The following PRKG1 variants were observed in gnomAD, a reference collection of about 807,000 sequenced individuals.
The protein encoded by PRKG1 is cGMP-dependent protein kinase 1.
A neutral mutation model predicts 88.1 loss-of-function variants in PRKG1; 35 were observed. That is an observed-to-expected ratio of 0.40 (90% confidence interval 0.30 to 0.53). The LOEUF (loss-of-function observed/expected upper bound fraction) is 0.53, where lower values mean the gene tolerates loss of function less well. Ranked by LOEUF, PRKG1 falls within the 20% of genes least tolerant of loss-of-function variation. PRKG1 has a pLI of 0.59. For missense variants in PRKG1, 540 were observed against 839.8 expected, an observed-to-expected ratio of 0.64 and a Z score of 4.41; for synonymous variants, 303 against 292.5, an observed-to-expected ratio of 1.04 and a Z score of -0.37.
intron 9 of PRKG1, among the ~76,000 whole-genome samples, chr10:52,189,375 G>A (rs928701254): frequency 1.1e-4 from 17 of 152,152 alleles, no homozygotes; most frequent in African/African-American, 3.6e-4. Flanking sequence ...TCCCAGACCA[G>A]GGGTTCCCAA....
intron 1 of PRKG1, among the ~76,000 whole-genome samples, chr10:51,013,267 T>G (rs1338598837): frequency 6.6e-6 from 1 of 152,218 alleles, no homozygotes; most frequent in Non-Finnish European, 1.5e-5. Flanking sequence ...CTTAGAACAA[T>G]GCTTGCAGTT....
At chr10:51,012,255 G>T (rs888078969) in intron 1 of PRKG1, among the ~76,000 whole-genome samples, 1 of 152,158 alleles carries the variant, frequency 6.6e-6, no homozygotes, top group Non-Finnish European at 1.5e-5. Flanking sequence ...AGAGTTTCCT[G>T]GTTGTTCTGG....
intron 3 of PRKG1, among the ~76,000 whole-genome samples, chr10:51,789,140 G>C (rs1457983088): frequency 6.6e-6 from 1 of 152,102 alleles, no homozygotes; most frequent in Admixed American, 6.6e-5. Context: ...TAGTATTTAG[G>C]GATACAGCCT....
rs937744915 is a variant in PRKG1, at chr10:51,554,029, G to A, written c.592+86193G>A. 3.7e-5 allele frequency among the ~76,000 whole-genome samples: 5 copies of A among 134,038 alleles called. 1 individual carries two copies. Among genetic ancestry groups the A allele is most frequent in the Non-Finnish European group, 6.3e-5 (4 of 63,102 alleles). 87.9% of individuals were successfully genotyped at this position (134,038 alleles called of 152,430 possible). A position where few individuals can be genotyped will look rare whatever the true frequency, so the allele number is the denominator to read the frequency against. ...CATATTATATGTGCGTATGTGATACGTGTATATATTATATGTGCGTATGTG... is the reference window on the plus strand; with the variant it reads ...CATATTATATGTGCGTATGTGATACATGTATATATTATATGTGCGTATGTG... On this transcript the variant is annotated intron_variant, in intron 3 of 17. Coordinates refer to ENST00000373980, the MANE Select transcript of PRKG1 (RefSeq NM_006258.4).
intron 2 of PRKG1, among the ~76,000 whole-genome samples, chr10:51,379,706 G>T (rs527426210): frequency 6.6e-6 from 1 of 152,272 alleles, no homozygotes; most frequent in Admixed American, 6.5e-5. Flanking sequence ...ACATCCTTCT[G>T]TTCACTCGAC....
rs1472352486 is a variant in PRKG1, at chr10:51,374,731, AC to A, written c.479-92991del. On this transcript the variant is annotated intron_variant, in intron 2 of 17. Transcript: ENST00000373980. ...GATGTTGGAATTCCCACCCTCCAGA[AC>A]GGTAAGAAATAAATTTCTATTCTTT... 3.3e-5 allele frequency among the ~76,000 whole-genome samples: 5 copies of A among 152,254 alleles called. No homozygotes were observed. The East Asian group carries it at 9.7e-4, about 29-fold the overall frequency.
intron 5 of PRKG1, among the ~76,000 whole-genome samples, chr10:51,946,335 G>A (rs1048186568): frequency 2.6e-5 from 4 of 151,924 alleles, no homozygotes; most frequent in Non-Finnish European, 4.4e-5. Context: ...ACTTCTCTGT[G>A]TTGTTTATTC....
chr10:51,324,855 A>G (rs1355330791), intron 2 of PRKG1, among the ~76,000 whole-genome samples: 3 of 152,198 alleles, frequency 2.0e-5, no homozygotes, highest in Non-Finnish European at 2.9e-5. Context: ...TGCAGTAAAC[A>G]TGGGAGTGCA....
chr10:51,119,311 ACT>A (rs1344376851), intron 1 of PRKG1, among the ~76,000 whole-genome samples: 3 of 152,086 alleles, frequency 2.0e-5, no homozygotes, highest in African/African-American at 7.2e-5. Context: ...TGTGATTTTC[ACT>A]GCCTTATACT....
intron 5 of PRKG1, among the ~76,000 whole-genome samples, chr10:51,934,303 A>G (rs1842759170): frequency 6.8e-6 from 1 of 147,866 alleles, no homozygotes; most frequent in South Asian, 2.2e-4. Flanking sequence ...TTCAGGTTAT[A>G]TTTTGAGTTG....
chr10:51,386,926 G>GA (rs1407888039), intron 2 of PRKG1, among the ~76,000 whole-genome samples: 2 of 152,066 alleles, frequency 1.3e-5, no homozygotes, highest in East Asian at 1.9e-4. Flanking sequence ...CATAAGAAAA[G>GA]AAAAAACTGT....
At chr10:51,929,474 T>C (rs1842644986) in intron 5 of PRKG1, among the ~76,000 whole-genome samples, 1 of 151,066 alleles carries the variant, frequency 6.6e-6, no homozygotes, top group Admixed American at 6.6e-5. Flanking sequence ...CCTCAGTCTG[T>C]GGAGTAGCTG....
intron 3 of PRKG1, among the ~76,000 whole-genome samples, chr10:51,608,316 C>G (rs1838818793): frequency 6.6e-6 from 1 of 152,124 alleles, no homozygotes; most frequent in Non-Finnish European, 1.5e-5. Flanking sequence ...AAATCCTTCT[C>G]CCTGAGAAGT....
intron 5 of PRKG1, among the ~76,000 whole-genome samples, chr10:52,015,159 C>T (rs1845006104): frequency 6.6e-6 from 1 of 152,222 alleles, no homozygotes; most frequent in South Asian, 2.1e-4. Context: ...AGTATAGGTT[C>T]TCCACGAGGG....
intron 5 of PRKG1, among the ~76,000 whole-genome samples, chr10:52,026,606 A>G (rs1845344041): frequency 6.6e-6 from 1 of 152,206 alleles, no homozygotes; most frequent in Admixed American, 6.5e-5. Flanking sequence ...TTTAGGGGTG[A>G]TGAAAAGATT....
chr10:51,518,602 A>T (rs1841656163), intron 3 of PRKG1, among the ~76,000 whole-genome samples: 1 of 152,190 alleles, frequency 6.6e-6, no homozygotes, highest in East Asian at 1.9e-4. Flanking sequence ...GGGAAAACAG[A>T]TCCTTTAAAT....
At chr10:52,282,371 A>G in intron 14 of PRKG1, 55 bp downstream of exon 14, 1 of 1,455,696 alleles carries the variant, frequency 6.9e-7, no homozygotes, top group Non-Finnish European at 9.2e-7. Context: ...GCAGCTACAC[A>G]CTCCTGCTTT....
intron 2 of PRKG1, among the ~76,000 whole-genome samples, chr10:51,222,205 G>GA (rs1401119953): frequency 1.4e-5 from 2 of 146,896 alleles, no homozygotes; most frequent in Non-Finnish European, 3.0e-5. Context: ...TTTTTCTATG[G>GA]AAAAATTGGA....
At chr10:51,025,499 G>C (rs138927040) in intron 1 of PRKG1, among the ~76,000 whole-genome samples, 11 of 152,288 alleles carry the variant, frequency 7.2e-5, no homozygotes, top group African/African-American at 2.6e-4. Context: ...CTCTGGCTGA[G>C]AAGCTCCTTA....
Sources: gnomAD v4.1 joint callset for allele counts (sites outside exome capture counted in the v4.1 genomes callset) on GRCh38, gnomAD v4.1.1 for gene constraint, MANE v1.5 for transcripts, NCBI Gene and HGNC (gene_info 2026-07-23, HGNC 2026-07-21) for gene names.